The following PLXDC2 variants were observed in gnomAD, a reference collection of about 807,000 sequenced individuals.
PLXDC2 encodes the protein plexin domain containing 2.
A neutral mutation model predicts 68.9 loss-of-function variants in PLXDC2; 40 were observed. The ratio of observed to expected loss-of-function variants is 0.58; its 90% CI spans 0.45 to 0.76. The LOEUF (loss-of-function observed/expected upper bound fraction) is 0.76, where lower values mean the gene tolerates loss of function less well. Ranked by LOEUF, PLXDC2 falls within the 30% of genes least tolerant of loss-of-function variation. The probability of loss-of-function intolerance (pLI) is 0.00; values close to 1 mark genes in which losing one functional copy is unlikely to be tolerated. For missense variants in PLXDC2, 644 were observed against 661.9 expected (o/e 0.97, Z 0.30); for synonymous variants, 243 against 234.2 (o/e 1.04, Z -0.34).
At chr10:19,965,251 G>A (rs932443583) in intron 1 of PLXDC2, among the ~76,000 whole-genome samples, 16 of 152,166 alleles carry the variant, frequency 1.1e-4, no homozygotes, top group Non-Finnish European at 1.8e-4. Context: ...TGACTTAGCT[G>A]TGATTAATGT....
chr10:19,917,366 C>G (rs912417086), intron 1 of PLXDC2, among the ~76,000 whole-genome samples: 2 of 152,060 alleles, frequency 1.3e-5, no homozygotes, highest in Non-Finnish European at 2.9e-5. Flanking sequence ...ACCTTATAAA[C>G]AAAAATATAT....
At chr10:19,923,446 A>G (rs1833493228) in intron 1 of PLXDC2, among the ~76,000 whole-genome samples, 2 of 152,238 alleles carry the variant, frequency 1.3e-5, no homozygotes. Flanking sequence ...AAGGATTTAT[A>G]TAATTTTTAT....
chr10:19,873,406 CTTTTTTTTTTTT>C (rs1049862345), intron 1 of PLXDC2, among the ~76,000 whole-genome samples: 1 of 115,660 alleles, frequency 8.6e-6, no homozygotes, highest in African/African-American at 3.2e-5. Flanking sequence ...TCTTCTTCGT[CTTTTTTTTTTTT>C]TTTTTTTTTT....
intron 1 of PLXDC2, among the ~76,000 whole-genome samples, chr10:19,897,919 C>T (rs955815822): frequency 6.6e-5 from 10 of 151,700 alleles, no homozygotes; most frequent in East Asian, 1.9e-4. Context: ...TTTGTTTTTG[C>T]GAAAATGAAA....
intron 2 of PLXDC2, among the ~76,000 whole-genome samples, chr10:20,024,814 G>T (rs1835369397): frequency 6.6e-6 from 1 of 152,082 alleles, no homozygotes; most frequent in South Asian, 2.1e-4. Flanking sequence ...GTGAGAACAT[G>T]CAGTATTTGT....
intron 9 of PLXDC2, among the ~76,000 whole-genome samples, chr10:20,184,735 G>C (rs1478474753): frequency 1.3e-5 from 2 of 151,882 alleles, no homozygotes; most frequent in Admixed American, 6.6e-5. Flanking sequence ...GAAAGTAACA[G>C]AGAAACATGA....
intron 1 of PLXDC2, among the ~76,000 whole-genome samples, chr10:19,999,081 AAAATAGG>A (rs901601198): frequency 2.0e-5 from 3 of 152,174 alleles, no homozygotes; most frequent in Non-Finnish European, 4.4e-5. Flanking sequence ...GCAGGAAGAA[AAAATAGG>A]AAAGCGAATT....
rs1834055207 is a variant in PLXDC2, at chr10:19,955,474, A to G, written c.113-46301A>G. ...GCACCCATATTCTCTAACCAGTGCT[A>G]TCCAAGGTCAGGCAGAGAAAGCTCA... On this transcript the variant is annotated intron_variant, in intron 1 of 13. Coordinates refer to ENST00000377252, the MANE Select transcript of PLXDC2 (RefSeq NM_032812.9). Among the ~76,000 whole-genome samples, 3 of 152,082 alleles carry G rather than the reference A, an allele frequency of 2.0e-5. No individual in the cohort carries two copies. The South Asian group carries it at 6.2e-4, about 32-fold the overall frequency.
intron 12 of PLXDC2, among the ~76,000 whole-genome samples, chr10:20,226,648 T>C (rs1332583789): frequency 1.3e-5 from 2 of 152,284 alleles, no homozygotes; most frequent in Admixed American, 6.5e-5. Context: ...GTAGATAGAA[T>C]GTGTAGTTAG....
intron 3 of PLXDC2, among the ~76,000 whole-genome samples, chr10:20,062,462 A>T (rs887993160): frequency 4.6e-5 from 7 of 152,122 alleles, no homozygotes; most frequent in Non-Finnish European, 1.0e-4. Flanking sequence ...TTAAAAAATT[A>T]AAAAGGTTAA....
intron 1 of PLXDC2, among the ~76,000 whole-genome samples, chr10:19,922,997 A>C (rs533078825): frequency 6.6e-6 from 1 of 152,296 alleles, no homozygotes; most frequent in Non-Finnish European, 1.5e-5. Context: ...AATCTGATCT[A>C]TCTATCTCTT....
intron 1 of PLXDC2, among the ~76,000 whole-genome samples, chr10:19,840,565 G>A (rs1404192921): frequency 6.6e-6 from 1 of 152,110 alleles, no homozygotes; most frequent in African/African-American, 2.4e-5. Context: ...TGAATAGTAA[G>A]CTTTGGTAAT....
intron 1 of PLXDC2, among the ~76,000 whole-genome samples, chr10:19,939,735 T>C (rs7083449): frequency 0.19 from 28,783 of 152,058 alleles, 2,977 homozygotes; most frequent in East Asian, 0.28. Flanking sequence ...CTTCATATAA[T>C]GATGTGTGGA....
At chr10:19,911,100 T>G (rs1041835940) in intron 1 of PLXDC2, among the ~76,000 whole-genome samples, 2 of 151,944 alleles carry the variant, frequency 1.3e-5, no homozygotes, top group Admixed American at 1.3e-4. Context: ...GGGGTGTGAC[T>G]TGCTCACCAG....
At chr10:20,197,545 A>G (rs1834856253) in intron 9 of PLXDC2, among the ~76,000 whole-genome samples, 1 of 152,114 alleles carries the variant, frequency 6.6e-6, no homozygotes, top group Non-Finnish European at 1.5e-5. Flanking sequence ...TTTAGTAGAA[A>G]TGGGGTTTCA....
intron 13 of PLXDC2, among the ~76,000 whole-genome samples, chr10:20,257,835 C>T (rs1835761081): frequency 6.6e-6 from 1 of 151,728 alleles, no homozygotes. Flanking sequence ...ATTTTTATGG[C>T]TACATAGTAG....
At chr10:19,929,009 C>T (rs1833584881) in intron 1 of PLXDC2, among the ~76,000 whole-genome samples, 1 of 151,702 alleles carries the variant, frequency 6.6e-6, no homozygotes, top group Non-Finnish European at 1.5e-5. Flanking sequence ...CCCACTTCGG[C>T]CTCCCAAAGT....
At chr10:19,987,772 G>A (rs1834671375) in intron 1 of PLXDC2, among the ~76,000 whole-genome samples, 1 of 151,854 alleles carries the variant, frequency 6.6e-6, no homozygotes, top group Non-Finnish European at 1.5e-5. Flanking sequence ...CACCTTGTTG[G>A]CCAGGATGGT....
chr10:19,993,507 C>T (rs1375623658), intron 1 of PLXDC2, among the ~76,000 whole-genome samples: 3 of 152,246 alleles, frequency 2.0e-5, no homozygotes, highest in Middle Eastern at 6.8e-3. Flanking sequence ...GCAACCTCTG[C>T]CTCCCGGGTT....
Sources: gnomAD v4.1 joint callset for allele counts (sites outside exome capture counted in the v4.1 genomes callset) on GRCh38, gnomAD v4.1.1 for gene constraint, MANE v1.5 for transcripts, NCBI Gene and HGNC (gene_info 2026-07-23, HGNC 2026-07-21) for gene names.